Variants in ODF2 observed in about 807,000 individuals in gnomAD.
ODF2 encodes outer dense fiber of sperm tails 2.
A neutral mutation model predicts 110.2 loss-of-function variants in ODF2; 47 were observed. That is an observed-to-expected ratio of 0.43 (90% CI 0.34 to 0.54). The LOEUF (loss-of-function observed/expected upper bound fraction) is 0.54, where lower values mean the gene tolerates loss of function less well. ODF2 is among the 20% of genes least tolerant of loss of function. The probability of loss-of-function intolerance (pLI) is 0.03; values close to 1 mark genes in which losing one functional copy is unlikely to be tolerated. For missense variants in ODF2, 812 were observed against 1,054.5 expected, an observed-to-expected ratio of 0.77 and a Z score of 3.19; for synonymous variants, 352 against 397.7, an observed-to-expected ratio of 0.89 and a Z score of 1.37.
At chr9:128,500,183 C>A in exon 21 of ODF2, 1 of 1,614,248 alleles carries the variant, frequency 6.2e-7, no homozygotes, top group Non-Finnish European at 8.5e-7. Context: ...CATACGCCAA[C>A]GTGTTTGGGG....
chr9:128,473,743 T>C lies in ODF2; in HGVS notation c.843+2T>C, dbSNP rs780272642. ...CTGAGGGAACAGCACTGCAAAGAGG[T>C]GAGCTTGGGGCCTGGCTCTTTCCCT... On this transcript the variant is annotated splice_donor_variant, in intron 8 of 20. Transcript: ENST00000604420. LOFTEE classifies it high-confidence loss of function. 4.3e-6 allele frequency: 7 copies of C among 1,611,476 alleles called. No individual in the cohort carries two copies. Among genetic ancestry groups the C allele is most frequent in the Admixed American group, 1.7e-5 (1 of 59,666 alleles).
exon 4 of ODF2, chr9:128,461,016 T>C (rs761057344): frequency 3.7e-6 from 6 of 1,614,130 alleles, no homozygotes; most frequent in Non-Finnish European, 5.1e-6. Context: ...CCAAGGTACC[T>C]TGGATGCCCC....
At chr9:128,483,343 C>T (rs1842777462) in intron 10 of ODF2, among the ~76,000 whole-genome samples, 1 of 152,088 alleles carries the variant, frequency 6.6e-6, no homozygotes, top group Non-Finnish European at 1.5e-5. Context: ...GAGGCCAATG[C>T]AGGAGGACTC....
chr9:128,493,131 T>C (rs1372266477), intron 16 of ODF2, among the ~76,000 whole-genome samples: 2 of 151,808 alleles, frequency 1.3e-5, no homozygotes, highest in Admixed American at 1.3e-4. Context: ...ACACCTGTAA[T>C]CCCAGCACTT....
At chr9:128,455,248 T>G (rs984083444), upstream of ODF2, 4 of 1,534,474 alleles carry the variant, frequency 2.6e-6, no homozygotes, top group South Asian at 4.8e-5. Flanking sequence ...CAGAGCGGCA[T>G]AGAGAGTGCA....
In ODF2 at chr9:128,487,798, A is replaced by G. The variant is rs1173968284; in HGVS notation, c.1401-92A>G. ...CGAGACTCCGTCTAAAAAAACAAAC[A>G]AACAAAACACACACACACACACACA... On this transcript the variant is annotated intron_variant, in intron 13 of 20. Transcript: ENST00000604420. The G allele has an allele frequency of 7.4e-6, 10 of 1,345,012 alleles. No individual in the cohort carries two copies. The East Asian group carries it at 2.4e-4, about 32-fold the overall frequency. The allele number at this position is 1,345,012 out of a possible 1,614,324, so 83.3% of individuals were successfully genotyped here.
At chr9:128,456,927 C>T (rs1835012835) in intron 1 of ODF2, 1 of 1,261,804 alleles carries the variant, frequency 7.9e-7, no homozygotes, top group Non-Finnish European at 1.0e-6. Flanking sequence ...GCCCCTTCTC[C>T]TAGGAGACAG....
chr9:128,459,886 C>A (rs984276669), intron 3 of ODF2, among the ~76,000 whole-genome samples: 2 of 151,294 alleles, frequency 1.3e-5, no homozygotes, highest in Admixed American at 6.6e-5. Flanking sequence ...CCAGCCAAAT[C>A]CTAAAATCTT....
chr9:128,472,900 T>C lies in ODF2; in HGVS notation c.582-13T>C. The C allele has an allele frequency of 6.2e-7, 1 of 1,613,750 alleles. No individual in the cohort carries two copies. Among genetic ancestry groups the C allele is most frequent in the Non-Finnish European group, 8.5e-7 (1 of 1,179,792 alleles). ...GCCTGGGAGGGCTCACAGAGCCGTCTTTCTGGCCCCAGACTTCAGAAGAAA... is the reference window on the plus strand; with the variant it reads ...GCCTGGGAGGGCTCACAGAGCCGTCCTTCTGGCCCCAGACTTCAGAAGAAA... On this transcript the variant is annotated splice_polypyrimidine_tract_variant and intron_variant, in intron 6 of 20. Coordinates refer to ENST00000604420, the Ensembl canonical transcript of ODF2.
intron 5 of ODF2, among the ~76,000 whole-genome samples, chr9:128,469,802 C>T (rs904567213): frequency 6.7e-6 from 1 of 149,642 alleles, no homozygotes; most frequent in South Asian, 2.1e-4. Context: ...CTGACCAACA[C>T]GGTGAAACCC....
intron 8 of ODF2, among the ~76,000 whole-genome samples, chr9:128,474,194 A>C (rs559341043): frequency 6.6e-6 from 1 of 152,240 alleles, no homozygotes; most frequent in South Asian, 2.1e-4. Flanking sequence ...CTCCATCTCT[A>C]CTAAAAATAC....
chr9:128,481,629 C>T (rs199632653), exon 9 of ODF2: 8 of 1,612,252 alleles, frequency 5.0e-6, no homozygotes, highest in Middle Eastern at 3.3e-4. Flanking sequence ...AAACGGCTGG[C>T]GGAGGCCGAC....
chr9:128,456,074 G>T (rs553711628), upstream of ODF2: 92 of 1,523,884 alleles, frequency 6.0e-5, no homozygotes, highest in Admixed American at 5.0e-4. Flanking sequence ...CGGCTCCCGG[G>T]GGGGTTTGAA....
chr9:128,457,345 G>A, exon 2 of ODF2: 1 of 1,611,722 alleles, frequency 6.2e-7, no homozygotes, highest in Non-Finnish European at 8.5e-7. Flanking sequence ...TGCCCCTCTG[G>A]GTCCCCCTGA....
rs1478473539 is a variant in ODF2 at position 128,492,408 on chromosome 9, A to G, written c.1537-18A>G. The G allele has an allele frequency of 6.3e-7, 1 of 1,578,264 alleles. No individual in the cohort carries two copies. The highest frequency in any genetic ancestry group is 1.3e-5 in the African/African-American group (1 of 74,136). On this transcript the variant is annotated intron_variant, in intron 14 of 20. Transcript: ENST00000604420. ...AGCAGAACCTTCCTGTGGGTTACTC[A>G]TGAGCCATCCCTTCCAGGCCAGCTT... is the stretch of plus-strand genomic sequence containing the variant.
chr9:128,469,114 T>TC (rs1839064560), intron 4 of ODF2, 69 bp from the exon 5 acceptor site: 1 of 1,489,958 alleles, frequency 6.7e-7, no homozygotes, highest in Non-Finnish European at 9.2e-7. Context: ...TAAATAAGCC[T>TC]CCAGTGGTGG....
In ODF2 at chr9:128,456,826, C is replaced by T. The variant is rs553527550; in HGVS notation, c.-208-372C>T. 635 of 1,314,424 alleles carry T rather than the reference C, an allele frequency of 4.8e-4. 6 individuals are homozygous for T. The African/African-American group carries it at 9.2e-3, about 19-fold the overall frequency. 81.4% of individuals were successfully genotyped at this position (1,314,424 alleles called of 1,614,324 possible). A position where few individuals can be genotyped will look rare whatever the true frequency, so the allele number is the denominator to read the frequency against. On this transcript the variant is annotated intron_variant, in intron 1 of 20. Coordinates refer to ENST00000604420, the Ensembl canonical transcript of ODF2. ...CTGCTCAGAACTCTGTTCGGTTTTC[C>T]CTCGCGGCGGGGCGCCCGGGGCCCG...
At chr9:128,489,143 C>A (rs932699283) in intron 14 of ODF2, among the ~76,000 whole-genome samples, 1 of 152,198 alleles carries the variant, frequency 6.6e-6, no homozygotes, top group Non-Finnish European at 1.5e-5. Flanking sequence ...CTCTTAAACT[C>A]ACCATACCCA....
intron 4 of ODF2, among the ~76,000 whole-genome samples, chr9:128,465,094 T>C (rs1837505437): frequency 6.6e-6 from 1 of 152,158 alleles, no homozygotes; most frequent in Non-Finnish European, 1.5e-5. Context: ...CTGAAAAGCA[T>C]AATGCCACTT....
Sources: allele counts gnomAD v4.1 joint callset (sites outside exome capture counted in the v4.1 genomes callset), GRCh38; gene constraint gnomAD v4.1.1; transcripts MANE v1.5; gene names NCBI Gene and HGNC (gene_info 2026-07-23, HGNC 2026-07-21).